XDH: variants seen among roughly 807,000 people sequenced by gnomAD.
XDH encodes the protein xanthine dehydrogenase/oxidase.
In XDH, 138 loss-of-function variants were observed where a neutral mutation model predicts 156.1. That is an observed-to-expected ratio of 0.88 (90% CI 0.77 to 1.02). The LOEUF is 1.02. Ranked by LOEUF, XDH falls within the 50% of genes least tolerant of loss-of-function variation. XDH has a pLI of 0.00. For synonymous variants in XDH, 669 were observed against 625.7 expected, an observed-to-expected ratio of 1.07 and a Z score of -1.03; for missense variants, 1,849 against 1,684.9, an observed-to-expected ratio of 1.10 and a Z score of -1.71.
At chr2:31,411,956 T>TG (rs1687353730) in intron 1 of XDH, among the ~76,000 whole-genome samples, 1 of 136,518 alleles carries the variant, frequency 7.3e-6, no homozygotes, top group Non-Finnish European at 1.6e-5. Flanking sequence ...GAATGATGAG[T>TG]AAGTGAGTGA....
intron 6 of XDH, among the ~76,000 whole-genome samples, chr2:31,395,792 T>C (rs1686887090): frequency 1.3e-5 from 2 of 152,212 alleles, no homozygotes; most frequent in African/African-American, 4.8e-5. Flanking sequence ...CTCTGATGGA[T>C]CTAAAAACAA....
chr2:31,350,025 A>C lies in XDH; in HGVS notation c.2823+7T>G, dbSNP rs767187776. On this transcript the variant is annotated splice_region_variant and intron_variant, in intron 25 of 35. Transcript: ENST00000379416. ...CTCTGACTTGTGCTACCAAATTCTCAGCTTACCTCCTCTGCAGGCATCCCA... is the reference window on the plus strand; with the variant it reads ...CTCTGACTTGTGCTACCAAATTCTCCGCTTACCTCCTCTGCAGGCATCCCA... 4.3e-6 allele frequency: 7 copies of C among 1,613,738 alleles called. No individual in the cohort carries two copies. The highest frequency in any genetic ancestry group is 5.9e-6 in the Non-Finnish European group (7 of 1,180,028).
At chr2:31,348,397 C>T (rs367941268) in intron 27 of XDH, 34 bp from the exon 28 acceptor site, 1 of 1,601,508 alleles carries the variant, frequency 6.2e-7, no homozygotes, top group Non-Finnish European at 8.5e-7. Context: ...ACACAAAATT[C>T]AGTAAAATCC....
chr2:31,368,416 G>A (rs1027594676), intron 19 of XDH, 125 bp downstream of exon 19: 2 of 1,266,690 alleles, frequency 1.6e-6, no homozygotes, highest in African/African-American at 1.5e-5. Context: ...GGGTTGAAAG[G>A]GATTTAAAAA....
chr2:31,402,842 G>T (rs1241117690), intron 3 of XDH, among the ~76,000 whole-genome samples: 1 of 152,182 alleles, frequency 6.6e-6, no homozygotes, highest in Non-Finnish European at 1.5e-5. Context: ...CATTTTATCA[G>T]CAGTTCGGAG....
intron 13 of XDH, 79 bp from the exon 14 acceptor site, chr2:31,377,316 A>ATGAGG: frequency 1.3e-6 from 2 of 1,536,976 alleles, no homozygotes; most frequent in Non-Finnish European, 1.8e-6. Flanking sequence ...CCACAGGGCT[A>ATGAGG]TGAGGTGAGG....
intron 4 of XDH, among the ~76,000 whole-genome samples, chr2:31,400,610 T>C (rs1343578962): frequency 6.6e-6 from 1 of 152,198 alleles, no homozygotes; most frequent in Admixed American, 6.5e-5. Flanking sequence ...TTACTGCCCA[T>C]TTGCCCCAGA....
chr2:31,357,837 C>A (rs1685667380), intron 24 of XDH, among the ~76,000 whole-genome samples: 1 of 151,946 alleles, frequency 6.6e-6, no homozygotes, highest in Non-Finnish European at 1.5e-5. Flanking sequence ...TAAATATATA[C>A]AACTACTATG....
chr2:31,343,312 A>ATATATATATGCATGTT (rs1553411683), intron 31 of XDH, among the ~76,000 whole-genome samples: 14 of 136,584 alleles, frequency 1.0e-4, no homozygotes, highest in African/African-American at 2.2e-4. Context: ...ATATATATAT[A>ATATATATATGCATGTT]TATATATATA....
At chr2:31,369,060 T>C (rs770236517) in intron 18 of XDH, among the ~76,000 whole-genome samples, 10 of 152,202 alleles carry the variant, frequency 6.6e-5, no homozygotes, top group Non-Finnish European at 1.5e-4. Context: ...CTAGTTACTA[T>C]TGACAGATCA....
rs1002874288 is a variant in XDH at position 31,350,652 on chromosome 2, G to C, written c.2632-429C>G. Among the ~76,000 whole-genome samples, 7 of 152,224 alleles carry C rather than the reference G, an allele frequency of 4.6e-5. No individual in the cohort carries two copies. The East Asian group carries it at 9.7e-4, about 21-fold the overall frequency. On this transcript the variant is annotated intron_variant, in intron 24 of 35. Coordinates refer to ENST00000379416, the MANE Select transcript of XDH (RefSeq NM_000379.4). ...GCCTCCCAAAGTGCTGGGATTACAGGCATGAGCCCAGCCTGCGGCAGCATC... is the reference window on the plus strand; with the variant it reads ...GCCTCCCAAAGTGCTGGGATTACAGCCATGAGCCCAGCCTGCGGCAGCATC...
intron 7 of XDH, 119 bp downstream of exon 7, chr2:31,388,108 C>T: frequency 1.7e-6 from 2 of 1,203,582 alleles, no homozygotes; most frequent in Non-Finnish European, 2.4e-6. Context: ...AGTCTGCCAT[C>T]ACCGACTCAC....
At position 31,380,034 on chromosome 2, in the gene XDH, T is replaced by C. The variant is rs547525401; in HGVS notation, c.1133-58A>G. 1.6e-3 allele frequency: 2,492 copies of C among 1,538,396 alleles called. 5 individuals carry two copies. Among genetic ancestry groups the C allele is most frequent in the Admixed American group, 2.6e-3 (155 of 59,640 alleles). On this transcript the variant is annotated intron_variant, in intron 12 of 35. Coordinates refer to ENST00000379416, the MANE Select transcript of XDH (RefSeq NM_000379.4). ...TGAGGGAAAGGCTGGGAACCCCCCATGGGGAGAAAGGATAACCATCAGTGG... is the reference window on the plus strand; with the variant it reads ...TGAGGGAAAGGCTGGGAACCCCCCACGGGGAGAAAGGATAACCATCAGTGG...
intron 35 of XDH, 47 bp from the exon 36 acceptor site, chr2:31,336,055 G>C (rs1684964244): frequency 6.3e-7 from 1 of 1,598,434 alleles, no homozygotes. Context: ...TGCTGATCAT[G>C]CTCCTCCCAC....
chr2:31,368,088 G>A (rs757541131), intron 19 of XDH, 31 bp from the exon 20 acceptor site: 3 of 1,604,586 alleles, frequency 1.9e-6, no homozygotes, highest in African/African-American at 1.3e-5. Flanking sequence ...TCAGAAATGT[G>A]GCTTTTAGCA....
At position 31,405,798 on chromosome 2, in the gene XDH, C is replaced by T. The variant is rs994100682; in HGVS notation, c.100+109G>A. 4 of 1,280,394 alleles carry T rather than the reference C, an allele frequency of 3.1e-6. No homozygotes were observed. In the Admixed American group the frequency reaches 5.1e-5, roughly 16 times the overall value. The allele number at this position is 1,280,394 out of a possible 1,614,324, so 79.3% of individuals were successfully genotyped here. ...CCAAGTCCTAATCCAGTGCTCTTTC[C>T]TCCACACCTCAAGGCCACCCCACCA... On this transcript the variant is annotated intron_variant, in intron 2 of 35. Coordinates refer to ENST00000379416, the MANE Select transcript of XDH (RefSeq NM_000379.4).
At chr2:31,348,681 G>A (rs1685368444) in intron 27 of XDH, among the ~76,000 whole-genome samples, 1 of 152,208 alleles carries the variant, frequency 6.6e-6, no homozygotes, top group African/African-American at 2.4e-5. Flanking sequence ...TTAAGGAAAG[G>A]TAAGAACTAG....
intron 13 of XDH, 51 bp downstream of exon 13, chr2:31,379,815 CT>C: frequency 6.4e-7 from 1 of 1,555,088 alleles, no homozygotes; most frequent in Non-Finnish European, 8.9e-7. Context: ...TGTCTAGAGC[CT>C]GGCAATAGGA....
rs45578042 is a variant in XDH, at chr2:31,398,934, C to T, written c.307-235G>A. Among the ~76,000 whole-genome samples the T allele has an allele frequency of 3.9e-3, 601 of 152,270 alleles. 3 individuals are homozygous for T. The highest frequency in any genetic ancestry group is 0.014 in the African/African-American group (574 of 41,530). On this transcript the variant is annotated intron_variant, in intron 4 of 35. Transcript: ENST00000379416. ...ATCCTTGTAGTTACCTCTAGAGCTG[C>T]GATGAGGATTAACTGAGATATTCAT...
Sources: gnomAD v4.1 joint callset for allele counts (sites outside exome capture counted in the v4.1 genomes callset) on GRCh38, gnomAD v4.1.1 for gene constraint, MANE v1.5 for transcripts, NCBI Gene and HGNC (gene_info 2026-07-23, HGNC 2026-07-21) for gene names.